Variants in SLC7A2 observed in about 807,000 individuals in gnomAD.
SLC7A2 encodes the protein solute carrier family 7 member 2.
SLC7A2 carries 48 observed loss-of-function variants against 58.9 expected under a neutral mutation model. The observed-to-expected ratio is 0.82, with a 90% CI of 0.65 to 1.04. The LOEUF is 1.04. SLC7A2 is among the 50% of genes least tolerant of loss of function. SLC7A2 has a pLI of 0.00. For missense variants in SLC7A2, 1,029 were observed against 818.8 expected, an observed-to-expected ratio of 1.26 and a Z score of -3.13; for synonymous variants, 363 against 314.5, an observed-to-expected ratio of 1.15 and a Z score of -1.63.
intron 2 of SLC7A2, among the ~76,000 whole-genome samples, chr8:17,524,966 G>A (rs546857790): frequency 6.6e-6 from 1 of 152,128 alleles, no homozygotes; most frequent in East Asian, 1.9e-4. Flanking sequence ...TTTTGACTGG[G>A]GCAAGGGTCA....
intron 2 of SLC7A2, among the ~76,000 whole-genome samples, chr8:17,536,384 G>T (rs910347870): frequency 6.6e-6 from 1 of 152,118 alleles, no homozygotes; most frequent in Non-Finnish European, 1.5e-5. Flanking sequence ...GGCCAACATG[G>T]GGAAAACCTG....
At chr8:17,515,764 C>G (rs1234956433) in intron 2 of SLC7A2, among the ~76,000 whole-genome samples, 1 of 152,184 alleles carries the variant, frequency 6.6e-6, no homozygotes, top group Non-Finnish European at 1.5e-5. Context: ...ATCATTAAAT[C>G]TTAGAATCTG....
rs73198106 is a variant in SLC7A2 at position 17,570,216 on chromosome 8, A to C, written c.*5070A>C. 0.12 allele frequency: 18,882 copies of C among 152,120 alleles called. 1,339 individuals are homozygous for C. Among genetic ancestry groups the C allele is most frequent in the Non-Finnish European group, 0.16 (10,957 of 67,988 alleles). 9.4% of individuals were successfully genotyped at this position (152,120 alleles called of 1,614,324 possible). On this transcript the variant is annotated 3_prime_UTR_variant, in exon 13 of 13. Coordinates refer to ENST00000494857, the MANE Select transcript of SLC7A2 (RefSeq NM_001370338.1). ...CCAACAGGTTGGGTTTCTCTGGCCTACACCTGATTAATGGGCCCTTTATCT... is the reference window on the plus strand; with the variant it reads ...CCAACAGGTTGGGTTTCTCTGGCCTCCACCTGATTAATGGGCCCTTTATCT...
chr8:17,562,418 T>C (rs1803060624), intron 11 of SLC7A2, among the ~76,000 whole-genome samples: 1 of 152,010 alleles, frequency 6.6e-6, no homozygotes, highest in Non-Finnish European at 1.5e-5. Flanking sequence ...TTAGCCAGGA[T>C]GGTCTCGAAC....
intron 2 of SLC7A2, among the ~76,000 whole-genome samples, 177 bp downstream of exon 2, chr8:17,502,479 A>C (rs1252356321): frequency 6.6e-6 from 1 of 152,206 alleles, no homozygotes; most frequent in East Asian, 1.9e-4. Flanking sequence ...GAAGAAAAAA[A>C]TATTTTAAAA....
Position 17,544,585 on chromosome 8 carries a change from T to A in SLC7A2, c.511T>A (p.Cys171Ser). ...AGAATATCCCGATTTTTTTGCTGTGTGCCTTATATTACTTCTAGCAGGTAA... is the reference window on the plus strand; with the variant it reads ...AGAATATCCCGATTTTTTTGCTGTGAGCCTTATATTACTTCTAGCAGGTAA... ...LAEYPDFFAV[C>S]LILLLAGLLS... The change falls in exon 4 of 13, where the codon TGC becomes AGC. Residue 171 changes from cysteine (C) to serine (S), a missense_variant. Coordinates refer to ENST00000494857, the MANE Select transcript of SLC7A2 (RefSeq NM_001370338.1). 1 of 1,614,038 alleles carries A rather than the reference T, an allele frequency of 6.2e-7. No homozygotes were observed. The highest frequency in any genetic ancestry group is 8.5e-7 in the Non-Finnish European group (1 of 1,179,948).
At chr8:17,530,184 C>T (rs1290137353) in intron 2 of SLC7A2, among the ~76,000 whole-genome samples, 1 of 152,128 alleles carries the variant, frequency 6.6e-6, no homozygotes, top group Admixed American at 6.5e-5. Context: ...CCCCCCTGCC[C>T]CCCATCCCCG....
chr8:17,496,272 C>G (rs556782592), upstream of SLC7A2, among the ~76,000 whole-genome samples: 13 of 152,128 alleles, frequency 8.5e-5, no homozygotes, highest in Non-Finnish European at 1.9e-4. Flanking sequence ...CAGTGAGCCA[C>G]GATTGTGTCA....
chr8:17,494,167 A>G (rs1799908242), upstream of SLC7A2, among the ~76,000 whole-genome samples: 1 of 152,118 alleles, frequency 6.6e-6, no homozygotes, highest in African/African-American at 2.4e-5. Context: ...AATTAGAACT[A>G]GTAAGAATCC....
rs368008850 is a variant in SLC7A2, at chr8:17,543,735, C to A, written c.376+20C>A. 22 of 1,511,622 alleles carry A rather than the reference C, an allele frequency of 1.5e-5. 1 individual carries two copies. The Middle Eastern group carries it at 9.0e-4, about 62-fold the overall frequency. The allele number at this position is 1,511,622 out of a possible 1,614,324, so 93.6% of individuals were successfully genotyped here. A position where few individuals can be genotyped will look rare whatever the true frequency, so the allele number is the denominator to read the frequency against. On this transcript the variant is annotated intron_variant, in intron 3 of 12. Transcript: ENST00000494857. ...TGATAGGTATGTTTCAAAAAGAAAT[C>A]TAACTTGTGTGGAATGGAAGAAATC... is the stretch of plus-strand genomic sequence containing the variant.
rs1803272610 is a variant in SLC7A2 at position 17,566,550 on chromosome 8, A to G, written c.*1404A>G. 2 of 152,242 alleles carry G rather than the reference A, an allele frequency of 1.3e-5. No individual in the cohort carries two copies. Among genetic ancestry groups the G allele is most frequent in the South Asian group, 4.1e-4 (2 of 4,834 alleles). 9.4% of individuals were successfully genotyped at this position (152,242 alleles called of 1,614,324 possible). On this transcript the variant is annotated 3_prime_UTR_variant, in exon 13 of 13. Coordinates refer to ENST00000494857, the MANE Select transcript of SLC7A2 (RefSeq NM_001370338.1). The stretch of plus-strand genomic sequence containing the variant: ...AAGCTCCAGTGTTATACAATAACCC[A>G]TCAGTGATTGGGGAATCAAACATTT...
intron 2 of SLC7A2, among the ~76,000 whole-genome samples, chr8:17,537,478 C>T (rs181912037): frequency 5.8e-4 from 89 of 152,278 alleles, no homozygotes; most frequent in African/African-American, 2.1e-3. Context: ...GTAAGAGCTT[C>T]AAGAACATCT....
At chr8:17,498,975 A>G (rs1371317956) in intron 1 of SLC7A2, 3 of 152,108 alleles carry the variant, frequency 2.0e-5, no homozygotes, top group Non-Finnish European at 4.4e-5. Flanking sequence ...TTTTGAACAC[A>G]TGTGCCTGAA....
intron 2 of SLC7A2, among the ~76,000 whole-genome samples, chr8:17,541,439 T>C (rs1801907394): frequency 1.3e-5 from 2 of 152,224 alleles, no homozygotes; most frequent in Non-Finnish European, 2.9e-5. Context: ...ATTTGTGAAG[T>C]GCCATGCTTT....
In SLC7A2 at chr8:17,567,564, GTATA is replaced by G. The variant is rs59234251; in HGVS notation, c.*2426_*2429del. 6,827 of 152,452 alleles carry G rather than the reference GTATA, an allele frequency of 0.045. 166 individuals are homozygous for G. Among genetic ancestry groups the G allele is most frequent in the African/African-American group, 0.053 (2,188 of 41,410 alleles). 9.4% of individuals were successfully genotyped at this position (152,452 alleles called of 1,614,324 possible). Reference sequence around the variant, plus strand: ...AACAGTTACATATGTTTGTATGAGTGTATATATATATCTGTGTGTGTGTATCTCT... The same window carrying G: ...AACAGTTACATATGTTTGTATGAGTGTATATATCTGTGTGTGTGTATCTCT... On this transcript the variant is annotated 3_prime_UTR_variant, in exon 13 of 13. Coordinates refer to ENST00000494857, the MANE Select transcript of SLC7A2 (RefSeq NM_001370338.1).
Position 17,502,296 on chromosome 8 carries a change from C to G in SLC7A2, c.-29C>G, listed in dbSNP as rs189887005. 1 of 151,918 alleles carries G rather than the reference C, an allele frequency of 6.6e-6. No individual in the cohort carries two copies. The highest frequency in any genetic ancestry group is 1.5e-5 in the Non-Finnish European group (1 of 68,004). 9.4% of individuals were successfully genotyped at this position (151,918 alleles called of 1,614,324 possible). A position where few individuals can be genotyped will look rare whatever the true frequency, so the allele number is the denominator to read the frequency against. On this transcript the variant is annotated 5_prime_UTR_variant, in exon 2 of 13. Coordinates refer to ENST00000494857, the MANE Select transcript of SLC7A2 (RefSeq NM_001370338.1). ...AAGACCAGCAGGAAAGCAGTGAGCC[C>G]TTACAGGTTAGTGCTGATTTCAATC... is the stretch of plus-strand genomic sequence containing the variant.
At chr8:17,512,944 C>T (rs558776571) in intron 2 of SLC7A2, among the ~76,000 whole-genome samples, 74 of 152,246 alleles carry the variant, frequency 4.9e-4, no homozygotes, top group Non-Finnish European at 9.7e-4. Flanking sequence ...GAGGTTCATC[C>T]GTGTTGCAGC....
rs1423078882 is a variant in SLC7A2, at chr8:17,500,791, CACACACAT to C, written c.-68-1458_-68-1451del. Among the ~76,000 whole-genome samples the C allele has an allele frequency of 9.1e-5, 9 of 98,898 alleles. No homozygotes were observed. The East Asian group carries it at 1.3e-3, about 15-fold the overall frequency. 64.9% of individuals were successfully genotyped at this position (98,898 alleles called of 152,430 possible). On this transcript the variant is annotated intron_variant, in intron 1 of 12. Coordinates refer to ENST00000494857, the MANE Select transcript of SLC7A2 (RefSeq NM_001370338.1). ...GTGACTGAGCGAGACTCTGTCTCAACACACACATACACACACACACACACACACACACA... is the reference window on the plus strand; with the variant it reads ...GTGACTGAGCGAGACTCTGTCTCAACACACACACACACACACACACACACA...
At chr8:17,525,019 G>C (rs1189205947) in intron 2 of SLC7A2, among the ~76,000 whole-genome samples, 1 of 152,150 alleles carries the variant, frequency 6.6e-6, no homozygotes, top group Non-Finnish European at 1.5e-5. Context: ...TCTAGACAGA[G>C]TTGTAATCTA....
Sources: allele counts gnomAD v4.1 joint callset (sites outside exome capture counted in the v4.1 genomes callset), GRCh38; gene constraint gnomAD v4.1.1; transcripts MANE v1.5; gene names NCBI Gene and HGNC (gene_info 2026-07-23, HGNC 2026-07-21).